The following CCNK variants were observed in gnomAD, a reference collection of about 807,000 sequenced individuals.
CCNK encodes the protein cyclin K.
A neutral mutation model predicts 65.0 loss-of-function variants in CCNK; 9 were observed. The ratio of observed to expected loss-of-function variants is 0.14; its 90% CI spans 0.08 to 0.24. CCNK has a LOEUF of 0.24. CCNK is among the 10% of genes least tolerant of loss of function. The pLI, the probability that CCNK is intolerant of heterozygous loss-of-function variation, is 1.00. For missense variants in CCNK, 474 were observed against 720.0 expected (o/e 0.66, Z 3.91); for synonymous variants, 279 against 270.8 (o/e 1.03, Z -0.30).
intron 7 of CCNK, 64 bp downstream of exon 7, chr14:99,502,440 C>A: frequency 6.4e-7 from 1 of 1,555,064 alleles, no homozygotes; most frequent in Non-Finnish European, 8.7e-7. Flanking sequence ...TCCATGTGTA[C>A]CCTGAGTCCC....
intron 9 of CCNK, chr14:99,506,746 A>T: frequency 3.0e-6 from 1 of 337,158 alleles, no homozygotes; most frequent in Non-Finnish European, 5.7e-6. Context: ...GACTCCAGAT[A>T]GGTCATACAT....
At chr14:99,502,125 T>G in intron 6 of CCNK, 82 bp from the exon 7 acceptor site, 1 of 1,376,474 alleles carries the variant, frequency 7.3e-7, no homozygotes, top group Non-Finnish European at 9.6e-7. Flanking sequence ...AAATTAATGG[T>G]TAGTTATGGC....
chr14:99,492,529 T>A, intron 1 of CCNK, 97 bp from the exon 2 acceptor site: 1 of 664,290 alleles, frequency 1.5e-6, no homozygotes, highest in Non-Finnish European at 2.5e-6. Flanking sequence ...GTGGTTTCTA[T>A]AGGAAATAGT....
chr14:99,503,722 T>C, intron 9 of CCNK, 78 bp downstream of exon 9: 1 of 1,276,728 alleles, frequency 7.8e-7, no homozygotes, highest in African/African-American at 1.5e-5. Context: ...ACATTGTTTC[T>C]TTTCAGATCT....
At chr14:99,503,069 C>G in intron 8 of CCNK, 85 bp downstream of exon 8, 2 of 1,429,098 alleles carry the variant, frequency 1.4e-6, no homozygotes, top group Non-Finnish European at 2.0e-6. Flanking sequence ...TCTAAGCGAG[C>G]ACAGGGAACA....
intron 4 of CCNK, among the ~76,000 whole-genome samples, chr14:99,498,627 A>G (rs1051441751): frequency 2.6e-5 from 4 of 152,240 alleles, no homozygotes; most frequent in African/African-American, 4.8e-5. Context: ...GGCACGAGGC[A>G]GAACAGACAT....
chr14:99,507,476 G>T, intron 10 of CCNK: 1 of 289,632 alleles, frequency 3.5e-6, no homozygotes. Flanking sequence ...GAGATGGGAA[G>T]ATCATTTGAG....
At chr14:99,482,079 G>A (rs1333548395) in intron 1 of CCNK, among the ~76,000 whole-genome samples, 1 of 152,202 alleles carries the variant, frequency 6.6e-6, no homozygotes, top group African/African-American at 2.4e-5. Context: ...GAAAATTGGA[G>A]CGTAAGTCTA....
intron 10 of CCNK, chr14:99,509,023 A>C (rs1897045620): frequency 1.3e-5 from 2 of 152,298 alleles, no homozygotes; most frequent in South Asian, 4.1e-4. Flanking sequence ...CGGGGTGCTG[A>C]TGTGGCACAC....
At chr14:99,484,196 A>G (rs111495418) in intron 1 of CCNK, among the ~76,000 whole-genome samples, 33 of 152,230 alleles carry the variant, frequency 2.2e-4, no homozygotes, top group African/African-American at 7.7e-4. Flanking sequence ...ATAAAGTAAG[A>G]CTAGTTGTGA....
intron 4 of CCNK, among the ~76,000 whole-genome samples, chr14:99,496,529 T>G (rs1896704905): frequency 6.6e-6 from 1 of 151,646 alleles, no homozygotes; most frequent in South Asian, 2.1e-4. Flanking sequence ...GCTAACATGG[T>G]GAAACCCCGT....
intron 6 of CCNK, 52 bp from the exon 7 acceptor site, chr14:99,502,155 A>G: frequency 6.6e-7 from 1 of 1,515,200 alleles, no homozygotes; most frequent in Non-Finnish European, 8.9e-7. Context: ...CACTGGTTTA[A>G]TCATAAATAT....
intron 1 of CCNK, among the ~76,000 whole-genome samples, chr14:99,488,906 C>T (rs928816327): frequency 6.7e-6 from 1 of 150,208 alleles, no homozygotes; most frequent in Non-Finnish European, 1.5e-5. Flanking sequence ...CATGGTGGCT[C>T]CTATGTCTTT....
At chr14:99,503,151 G>C in intron 8 of CCNK, 167 bp downstream of exon 8, 1 of 808,460 alleles carries the variant, frequency 1.2e-6, no homozygotes, top group South Asian at 1.4e-5. Context: ...AAACAAAGGT[G>C]CTCCAAGGAC....
intron 1 of CCNK, among the ~76,000 whole-genome samples, chr14:99,486,617 T>C (rs746450366): frequency 2.6e-5 from 4 of 152,242 alleles, no homozygotes; most frequent in Non-Finnish European, 4.4e-5. Flanking sequence ...TCCCTCCTTA[T>C]CAAAACCAGC....
At chr14:99,496,603 G>A (rs372358105) in intron 4 of CCNK, among the ~76,000 whole-genome samples, 5 of 151,988 alleles carry the variant, frequency 3.3e-5, no homozygotes, top group Admixed American at 2.0e-4. Context: ...CCAGCTACTC[G>A]GGAGGTTGAG....
intron 10 of CCNK, chr14:99,509,840 GCA>G: frequency 2.3e-6 from 1 of 434,532 alleles, no homozygotes; most frequent in Non-Finnish European, 4.1e-6. Flanking sequence ...CACACGTTTT[GCA>G]CTAGGAAGAG....
chr14:99,484,321 A>G (rs1405127364), intron 1 of CCNK, among the ~76,000 whole-genome samples: 4 of 152,270 alleles, frequency 2.6e-5, no homozygotes, highest in African/African-American at 4.8e-5. Flanking sequence ...AACGCAGCAG[A>G]CACACAATGG....
intron 9 of CCNK, 109 bp from the exon 10 acceptor site, chr14:99,506,967 C>T (rs1027319627): frequency 1.3e-6 from 1 of 783,598 alleles, no homozygotes; most frequent in Non-Finnish European, 2.3e-6. Flanking sequence ...CCTTGGTCAT[C>T]TCTGTTGTTT....
Sources: allele counts gnomAD v4.1 joint callset (sites outside exome capture counted in the v4.1 genomes callset), GRCh38; gene constraint gnomAD v4.1.1; transcripts MANE v1.5; gene names NCBI Gene and HGNC (gene_info 2026-07-23, HGNC 2026-07-21).